TYW1B: variants seen among roughly 807,000 people sequenced by gnomAD.
The protein encoded by TYW1B is S-adenosyl-L-methionine-dependent tRNA 4-demethylwyosine synthase TYW1B.
Under a neutral mutation model 86.9 loss-of-function variants are expected in TYW1B, and 73 were observed. The observed-to-expected ratio is 0.84, with a 90% CI of 0.70 to 1.02. TYW1B has a LOEUF of 1.02. Among genes scored for constraint, TYW1B ranks in the 50% least tolerant of loss-of-function variants. The pLI, the probability that TYW1B is intolerant of heterozygous loss-of-function variation, is 0.00. For missense variants in TYW1B, 637 were observed against 827.4 expected, an observed-to-expected ratio of 0.77 and a Z score of 2.82; for synonymous variants, 248 against 292.8, an observed-to-expected ratio of 0.85 and a Z score of 1.56.
chr7:72,772,919 T>G (rs537108392), intron 7 of TYW1B, among the ~76,000 whole-genome samples: 7 of 152,338 alleles, frequency 4.6e-5, no homozygotes, highest in African/African-American at 1.7e-4. Flanking sequence ...TCTTGTAACC[T>G]CTTCTGTATT....
At chr7:72,769,175 AC>A in intron 7 of TYW1B, 1 of 425,196 alleles carries the variant, frequency 2.4e-6, no homozygotes, top group Non-Finnish European at 3.8e-6. Flanking sequence ...GAACTGTGTT[AC>A]CATGCCATTT....
chr7:72,607,001 C>T (rs1421392892), intron 13 of TYW1B, among the ~76,000 whole-genome samples: 4 of 152,128 alleles, frequency 2.6e-5, no homozygotes, highest in Non-Finnish European at 5.9e-5. Flanking sequence ...TTAGAAAAGA[C>T]AATCAAAAGA....
At chr7:72,789,531 G>A (rs1270480617) in intron 6 of TYW1B, among the ~76,000 whole-genome samples, 1 of 152,202 alleles carries the variant, frequency 6.6e-6, no homozygotes, top group African/African-American at 2.4e-5. Context: ...CACATGACAT[G>A]TATTAGGAAG....
At chr7:72,592,818 T>A (rs1196393980) in intron 13 of TYW1B, among the ~76,000 whole-genome samples, 1 of 152,200 alleles carries the variant, frequency 6.6e-6, no homozygotes, top group Non-Finnish European at 1.5e-5. Flanking sequence ...TACATATTGA[T>A]AAAAGGTTCA....
intron 9 of TYW1B, among the ~76,000 whole-genome samples, chr7:72,722,308 G>T (rs2961008): frequency 0.71 from 108,258 of 152,002 alleles, 39,250 homozygotes; most frequent in Non-Finnish European, 0.77. Context: ...CAATAAATGA[G>T]GTCTTTTTCA....
At chr7:72,827,438 A>G (rs1554481645) in intron 1 of TYW1B, among the ~76,000 whole-genome samples, 1 of 152,214 alleles carries the variant, frequency 6.6e-6, no homozygotes, top group African/African-American at 2.4e-5. Flanking sequence ...AACTGTAATA[A>G]AAATAACACA....
chr7:72,648,660 G>A (rs371393170), intron 11 of TYW1B, among the ~76,000 whole-genome samples: 2 of 152,048 alleles, frequency 1.3e-5, no homozygotes, highest in Non-Finnish European at 1.5e-5. Flanking sequence ...CAACTGAATC[G>A]TAGGACAGTG....
intron 7 of TYW1B, among the ~76,000 whole-genome samples, chr7:72,776,556 C>CAAAAAAA (rs67553013): frequency 0.012 from 520 of 44,670 alleles, 54 homozygotes; most frequent in Non-Finnish European, 0.013. Context: ...GACTCTGTCT[C>CAAAAAAA]AAAAAAAAAA....
chr7:72,785,344 A>T (rs1405442758), intron 6 of TYW1B, among the ~76,000 whole-genome samples: 2 of 147,672 alleles, frequency 1.4e-5, no homozygotes, highest in Non-Finnish European at 3.0e-5. Context: ...AATTCTAATT[A>T]TATATATTAA....
chr7:72,576,221 C>T (rs1333653681), intron 13 of TYW1B, among the ~76,000 whole-genome samples: 8 of 152,130 alleles, frequency 5.3e-5, no homozygotes, highest in South Asian at 2.1e-4. Flanking sequence ...TCTGGCCTAA[C>T]GTGGATACAA....
At chr7:72,617,891 C>T (rs1554437212) in intron 12 of TYW1B, among the ~76,000 whole-genome samples, 1 of 152,056 alleles carries the variant, frequency 6.6e-6, no homozygotes, top group African/African-American at 2.4e-5. Context: ...ACACAAGACC[C>T]CAGAATTTCA....
chr7:72,818,794 G>C (rs1554479905), intron 2 of TYW1B, among the ~76,000 whole-genome samples: 1 of 151,614 alleles, frequency 6.6e-6, no homozygotes, highest in Admixed American at 6.6e-5. Flanking sequence ...GAAGGAGGAG[G>C]TGCCACACAC....
chr7:72,594,340 T>C (rs112010268), intron 13 of TYW1B, among the ~76,000 whole-genome samples: 2 of 135,206 alleles, frequency 1.5e-5, no homozygotes, highest in East Asian at 5.8e-4. Context: ...CAATTCTGCA[T>C]TAAAAAAAAA....
At chr7:72,819,557 C>T (rs535803824) in intron 2 of TYW1B, among the ~76,000 whole-genome samples, 13 of 152,204 alleles carry the variant, frequency 8.5e-5, no homozygotes, top group Admixed American at 1.3e-4. Context: ...CTCAGCCACC[C>T]GAGTAGCTAG....
chr7:72,610,724 G>A (rs1252470443), intron 13 of TYW1B, among the ~76,000 whole-genome samples: 8 of 152,296 alleles, frequency 5.3e-5, no homozygotes, highest in Admixed American at 3.3e-4. Flanking sequence ...TGAGTCTCCC[G>A]CCTCAGCCTC....
intron 9 of TYW1B, among the ~76,000 whole-genome samples, chr7:72,721,992 C>T (rs546851393): frequency 7.2e-5 from 11 of 152,220 alleles, no homozygotes; most frequent in African/African-American, 2.6e-4. Flanking sequence ...AAAGTTTGGG[C>T]CGATCAGAAA....
intron 11 of TYW1B, among the ~76,000 whole-genome samples, chr7:72,650,995 G>A (rs1415474773): frequency 2.6e-5 from 4 of 152,096 alleles, no homozygotes; most frequent in Non-Finnish European, 5.9e-5. Flanking sequence ...AAATAAATAT[G>A]AAAATGTAAT....
chr7:72,589,340 G>C (rs1811343307), intron 13 of TYW1B, among the ~76,000 whole-genome samples: 1 of 152,186 alleles, frequency 6.6e-6, no homozygotes, highest in Non-Finnish European at 1.5e-5. Flanking sequence ...AGAAGATAAT[G>C]AAATAATTTT....
chr7:72,680,537 CT>C (rs782032092), intron 11 of TYW1B, among the ~76,000 whole-genome samples: 137 of 152,286 alleles, frequency 9.0e-4, no homozygotes, highest in Admixed American at 3.8e-3. Context: ...GTCAGCTTCC[CT>C]ACTTCTGAGG....
Sources: gnomAD v4.1 joint callset for allele counts (sites outside exome capture counted in the v4.1 genomes callset) on GRCh38, gnomAD v4.1.1 for gene constraint, MANE v1.5 for transcripts, NCBI Gene and HGNC (gene_info 2026-07-23, HGNC 2026-07-21) for gene names.